CIBAR2: variants seen among roughly 807,000 people sequenced by gnomAD.
CIBAR2 encodes CBY1-interacting BAR domain-containing protein 2.
CIBAR2 carries 38 observed loss-of-function variants against 36.2 expected under a neutral mutation model. The ratio of observed to expected loss-of-function variants is 1.05; its 90% confidence interval spans 0.81 to 1.38. The LOEUF is 1.38. Ranked by LOEUF, CIBAR2 falls within the 40% of genes most tolerant of loss-of-function variation. The pLI is 0.00. For synonymous variants in CIBAR2, 182 were observed against 149.5 expected (o/e 1.22, Z -1.58); for missense variants, 481 against 383.4 (o/e 1.25, Z -2.13).
intron 8 of CIBAR2, among the ~76,000 whole-genome samples, chr16:85,099,797 C>CTTTTTTT (rs71386075): frequency 5.2e-5 from 4 of 77,530 alleles, no homozygotes; most frequent in African/African-American, 5.1e-5. Context: ...CTAATTTTTG[C>CTTTTTTT]TTTTTTTTTT....
chr16:85,106,740 C>T (rs190582885), intron 5 of CIBAR2, among the ~76,000 whole-genome samples: 5 of 152,192 alleles, frequency 3.3e-5, no homozygotes, highest in East Asian at 3.8e-4. Context: ...GAGAGTCCGT[C>T]GTCATTTTTC....
At chr16:85,107,186 ACACT>A (rs2074002926) in intron 5 of CIBAR2, among the ~76,000 whole-genome samples, 1 of 152,078 alleles carries the variant, frequency 6.6e-6, no homozygotes, top group Non-Finnish European at 1.5e-5. Flanking sequence ...ATGAGGTCAC[ACACT>A]CAGTCACAAA....
At chr16:85,108,944 G>T (rs780881224) in intron 2 of CIBAR2, among the ~76,000 whole-genome samples, 4 of 152,094 alleles carry the variant, frequency 2.6e-5, no homozygotes, top group Non-Finnish European at 5.9e-5. Context: ...GTCTTTGTGA[G>T]GGCCAGGAGC....
chr16:85,110,360 G>C lies in CIBAR2; in HGVS notation c.121C>G (p.Arg41Gly). Residue 41 changes from arginine to glycine, a missense_variant, in exon 2 of 9, where the codon CGG becomes GGG. Coordinates refer to ENST00000539556, the MANE Select transcript of CIBAR2 (RefSeq NM_198491.3). ...AGCTGGTCCGCCTTGTCCCGCAGCCGGGCCGTCTTGCGCGTGTAGGCGGCC... is the reference window on the plus strand; with the variant it reads ...AGCTGGTCCGCCTTGTCCCGCAGCCCGGCCGTCTTGCGCGTGTAGGCGGCC... ...LLAAYTRKTA[R>G]LRDKADQLVK... is the part of the protein sequence containing the mutation. 1.2e-6 allele frequency: 2 copies of C among 1,613,516 alleles called. No homozygotes were observed. The highest frequency in any genetic ancestry group is 1.7e-6 in the Non-Finnish European group (2 of 1,179,814).
chr16:85,103,160 C>G (rs1276053111), intron 6 of CIBAR2, among the ~76,000 whole-genome samples: 2 of 152,160 alleles, frequency 1.3e-5, no homozygotes, highest in Non-Finnish European at 2.9e-5. Context: ...GAGGGCTCCA[C>G]TTTCATGAAT....
intron 2 of CIBAR2, among the ~76,000 whole-genome samples, chr16:85,110,017 A>C (rs1474442524): frequency 6.6e-6 from 1 of 151,934 alleles, no homozygotes; most frequent in Non-Finnish European, 1.5e-5. Context: ...TTGACCCTTC[A>C]TCCGACTCAG....
intron 2 of CIBAR2, among the ~76,000 whole-genome samples, chr16:85,109,903 A>G (rs8053646): frequency 0.41 from 62,557 of 151,908 alleles, 14,168 homozygotes; most frequent in African/African-American, 0.6. Flanking sequence ...CTGACTCCCC[A>G]CCAGGATTTC....
rs780520944 is a variant in CIBAR2 at position 85,110,374 on chromosome 16, G to T, written c.107C>A (p.Thr36Lys). Residue 36 changes from threonine to lysine, a missense_variant, in exon 2 of 9, where the codon ACG (threonine) becomes AAG (lysine). Thr to Lys is a moderately conservative substitution (Grantham distance 78). Coordinates refer to ENST00000539556, the MANE Select transcript of CIBAR2 (RefSeq NM_198491.3). ...GTCCCGCAGCCGGGCCGTCTTGCGC[G>T]TGTAGGCGGCCAGCAGCGAGCAGAA... The part of the protein sequence containing the change: ...GQFCSLLAAY[T>K]RKTARLRDKA... The T allele has an allele frequency of 1.2e-6, 2 of 1,613,398 alleles. No individual in the cohort carries two copies. Among genetic ancestry groups the T allele is most frequent in the Non-Finnish European group, 8.5e-7 (1 of 1,179,828 alleles).
chr16:85,108,130 G>T, intron 2 of CIBAR2, 31 bp from the exon 3 acceptor site: 1 of 1,582,746 alleles, frequency 6.3e-7, no homozygotes. Context: ...GGGGATCTGA[G>T]CGCAGGGTGC....
chr16:85,112,302 C>G, intron 1 of CIBAR2, 31 bp downstream of exon 1: 2 of 1,612,998 alleles, frequency 1.2e-6, no homozygotes, highest in Non-Finnish European at 1.7e-6. Flanking sequence ...TTCCACCTCC[C>G]TCACAGCCAG....
Position 85,107,596 on chromosome 16 carries a change from T to C in CIBAR2, c.432+71A>G, listed in dbSNP as rs1322965489. On this transcript the variant is annotated intron_variant, in intron 5 of 8. Coordinates refer to ENST00000539556, the MANE Select transcript of CIBAR2 (RefSeq NM_198491.3). ...TGCTTCAGACCAGGTAAAGTCTACC[T>C]GGCCGTTTTGTGAGGTCGTGTATTT... 7 of 1,544,762 alleles carry C rather than the reference T, an allele frequency of 4.5e-6. No individual in the cohort carries two copies. The East Asian group carries it at 1.6e-4, about 35-fold the overall frequency.
rs149109839 is a variant in CIBAR2, at chr16:85,108,927, C to G, written c.256-828G>C. On this transcript the variant is annotated intron_variant, in intron 2 of 8. Transcript: ENST00000539556. ...AGCAGCCTCTTGCCAATTTTACAAT[C>G]GGGAATGTCTTTGTGAGGGCCAGGA... Among the ~76,000 whole-genome samples, 517 of 152,138 alleles carry G rather than the reference C, an allele frequency of 3.4e-3. 2 individuals are homozygous for G. The highest frequency in any genetic ancestry group is 6.8e-3 in the Middle Eastern group (2 of 294).
chr16:85,100,267 G>A (rs746347583), intron 7 of CIBAR2, 27 bp from the exon 8 acceptor site: 12 of 1,497,820 alleles, frequency 8.0e-6, no homozygotes, highest in Admixed American at 3.7e-5. Flanking sequence ...AGGGTGGGTG[G>A]GATCCGATGG....
In CIBAR2 at chr16:85,100,194, C is replaced by A; in HGVS notation, c.698G>T (p.Arg233Leu). 1.2e-6 allele frequency: 2 copies of A among 1,611,554 alleles called. No individual in the cohort carries two copies. Among genetic ancestry groups the A allele is most frequent in the South Asian group, 1.1e-5 (1 of 90,112 alleles). The change falls in exon 8 of 9, where the codon CGG (arginine) becomes CTG (leucine). Residue 233 changes from arginine to leucine, a missense_variant. Transcript: ENST00000539556. ...AGGGGGGCTGGTGTTGGCAAGCAGC[C>A]GAGTGTCATAATGCCCATAAACTCC... Reference protein sequence around the residue: ...MQGVYGHYDTRLLANTSPPPS... With the variant: ...MQGVYGHYDTLLLANTSPPPS...
At position 85,100,136 on chromosome 16, in the gene CIBAR2, C is replaced by A. The variant is rs533752878; in HGVS notation, c.753+3G>T. On this transcript the variant is annotated splice_donor_region_variant and intron_variant, in intron 8 of 8. Coordinates refer to ENST00000539556, the MANE Select transcript of CIBAR2 (RefSeq NM_198491.3). Reference sequence around the variant, plus strand: ...GTAACCCCTCACCCACCCACACGCTCACCTGGCTGGCGAGAGACTGAAGAA... The same window carrying A: ...GTAACCCCTCACCCACCCACACGCTAACCTGGCTGGCGAGAGACTGAAGAA... The A allele has an allele frequency of 1.9e-6, 3 of 1,608,504 alleles. No individual in the cohort carries two copies. The highest frequency in any genetic ancestry group is 3.4e-5 in the Admixed American group (2 of 59,012).
At chr16:85,105,261 C>T in intron 6 of CIBAR2, 66 bp downstream of exon 6, 1 of 920,330 alleles carries the variant, frequency 1.1e-6, no homozygotes, top group Non-Finnish European at 1.8e-6. Context: ...GACACGTGTA[C>T]ACACGTGCAT....
intron 8 of CIBAR2, among the ~76,000 whole-genome samples, chr16:85,099,799 T>G (rs113927123): frequency 0.012 from 287 of 24,832 alleles, 1 homozygote; most frequent in Non-Finnish European, 0.019. Context: ...AATTTTTGCT[T>G]TTTTTTTTTT....
At chr16:85,104,889 TG>T (rs1316581423) in intron 6 of CIBAR2, among the ~76,000 whole-genome samples, 7 of 152,022 alleles carry the variant, frequency 4.6e-5, no homozygotes, top group African/African-American at 9.7e-5. Context: ...TTTGTGGTGC[TG>T]GGGTGGGGAT....
chr16:85,109,130 G>A (rs2074020782), intron 2 of CIBAR2, among the ~76,000 whole-genome samples: 1 of 151,942 alleles, frequency 6.6e-6, no homozygotes. Context: ...AATTAACTAG[G>A]CCAGGCATGG....
Sources: gnomAD v4.1 joint callset for allele counts (sites outside exome capture counted in the v4.1 genomes callset) on GRCh38, gnomAD v4.1.1 for gene constraint, MANE v1.5 for transcripts, NCBI Gene and HGNC (gene_info 2026-07-23, HGNC 2026-07-21) for gene names.